The following LRRN2 variants were observed in gnomAD, a reference collection of about 807,000 sequenced individuals.
LRRN2 encodes leucine rich repeat neuronal 2.
A neutral mutation model predicts 35.7 loss-of-function variants in LRRN2; 10 were observed. The observed-to-expected ratio is 0.28, with a 90% CI of 0.17 to 0.47. The LOEUF is 0.47. Ranked by LOEUF, LRRN2 falls within the 20% of genes least tolerant of loss-of-function variation. The pLI, the probability that LRRN2 is intolerant of heterozygous loss-of-function variation, is 0.99. For missense variants in LRRN2, 731 were observed against 940.3 expected (o/e 0.78, Z 2.91); for synonymous variants, 391 against 409.6 (o/e 0.95, Z 0.55).
At chr1:204,636,477 C>T (rs914853576) in intron 1 of LRRN2, among the ~76,000 whole-genome samples, 4 of 152,152 alleles carry the variant, frequency 2.6e-5, no homozygotes, top group African/African-American at 7.2e-5. Flanking sequence ...GGCTCGTGCC[C>T]GTAATCCCAA....
In LRRN2 at chr1:204,618,594, G is replaced by T. The variant is rs1312934925; in HGVS notation, c.1399C>A (p.Pro467Thr). 1.9e-6 allele frequency: 3 copies of T among 1,613,856 alleles called. No individual in the cohort carries two copies. Among genetic ancestry groups the T allele is most frequent in the Non-Finnish European group, 8.5e-7 (1 of 1,180,000 alleles). The change falls in exon 2 of 2, where the codon CCT becomes ACT. Residue 467 changes from proline to threonine, a missense_variant. Physicochemically the swap from Pro to Thr is conservative, Grantham distance 38 (BLOSUM62 -1). Coordinates refer to ENST00000367177, the MANE Select transcript of LRRN2 (RefSeq NM_201630.2). ...WVTPAGLRLT[P>T]AHAGRRYRVY... ...CGGTACCTCCTGCCTGCATGGGCAG[G>T]TGTCAGTCGAAGCCCAGCTGGAGTG... is the stretch of plus-strand genomic sequence containing the variant.
intron 1 of LRRN2, among the ~76,000 whole-genome samples, chr1:204,681,987 T>C (rs1428632414): frequency 1.3e-5 from 2 of 152,216 alleles, no homozygotes; most frequent in Non-Finnish European, 2.9e-5. Context: ...TCCTGCCCCA[T>C]TCAAGCCTCC....
rs557635242 is a variant in LRRN2 at position 204,661,110 on chromosome 1, T to TTC, written c.-227+24208_-227+24209dup. Among the ~76,000 whole-genome samples the TTC allele has an allele frequency of 2.6e-5, 4 of 152,106 alleles. No homozygotes were observed. In the East Asian group the frequency reaches 7.7e-4, roughly 29 times the overall value. On this transcript the variant is annotated intron_variant, in intron 1 of 1. Coordinates refer to ENST00000367177, the MANE Select transcript of LRRN2 (RefSeq NM_201630.2). ...TTGATTGATTGATTGATTAATTTTT[T>TTC]TCTCTCTCTCTATCAGAAGAGGGTA...
At chr1:204,654,759 GC>G (rs1668311211) in intron 1 of LRRN2, among the ~76,000 whole-genome samples, 1 of 152,174 alleles carries the variant, frequency 6.6e-6, no homozygotes, top group African/African-American at 2.4e-5. Context: ...GAACCAGCTT[GC>G]CCCAGTCCAT....
intron 1 of LRRN2, among the ~76,000 whole-genome samples, chr1:204,625,493 G>T (rs1158366561): frequency 6.9e-6 from 1 of 145,902 alleles, no homozygotes; most frequent in African/African-American, 2.4e-5. Flanking sequence ...ATGTACGGGA[G>T]AATACATAAA....
At chr1:204,631,069 C>A (rs1667678960) in intron 1 of LRRN2, among the ~76,000 whole-genome samples, 1 of 150,568 alleles carries the variant, frequency 6.6e-6, no homozygotes, top group East Asian at 2.0e-4. Context: ...TTCCTTGGCC[C>A]ACCCAAGACC....
intron 1 of LRRN2, among the ~76,000 whole-genome samples, chr1:204,652,556 G>A (rs1668259397): frequency 6.6e-6 from 1 of 152,084 alleles, no homozygotes; most frequent in African/African-American, 2.4e-5. Context: ...TTGCAGGGTG[G>A]TGGTTGTAAA....
chr1:204,632,934 C>CAAA (rs755369336), intron 1 of LRRN2, among the ~76,000 whole-genome samples: 1 of 121,824 alleles, frequency 8.2e-6, no homozygotes. Context: ...ACTCTGTCTC[C>CAAA]AAAAAAAAAA....
chr1:204,627,448 C>A (rs1428252207), intron 1 of LRRN2: 1 of 152,228 alleles, frequency 6.6e-6, no homozygotes, highest in East Asian at 1.9e-4. Context: ...CCAGGAAACC[C>A]CCCTTGTTGG....
In LRRN2 at chr1:204,617,661, T is replaced by C. The variant is rs760121824; in HGVS notation, c.*190A>G. ...TGGCAGCAGAGGTGACCCTAGGAGG[T>C]AAGGGCAACTTTTTCGAGGCTGCAG... is the stretch of plus-strand genomic sequence containing the variant. On this transcript the variant is annotated 3_prime_UTR_variant, in exon 2 of 2. Coordinates refer to ENST00000367177, the MANE Select transcript of LRRN2 (RefSeq NM_201630.2). 4.7e-6 allele frequency: 3 copies of C among 643,990 alleles called. No homozygotes were observed. Among genetic ancestry groups the C allele is most frequent in the Non-Finnish European group, 8.1e-6 (3 of 369,058 alleles). 39.9% of individuals were successfully genotyped at this position (643,990 alleles called of 1,614,324 possible).
At chr1:204,680,608 C>T (rs923503368) in intron 1 of LRRN2, among the ~76,000 whole-genome samples, 1 of 152,192 alleles carries the variant, frequency 6.6e-6, no homozygotes, top group African/African-American at 2.4e-5. Flanking sequence ...CGTGCAGGAG[C>T]CCAAGGTCAT....
intron 1 of LRRN2, among the ~76,000 whole-genome samples, chr1:204,654,293 A>C (rs1668297603): frequency 6.6e-6 from 1 of 152,196 alleles, no homozygotes; most frequent in Admixed American, 6.5e-5. Flanking sequence ...CCTTCTGGGT[A>C]CTGAAATGTT....
In LRRN2 at chr1:204,617,365, C is replaced by A. The variant is rs1666410857; in HGVS notation, c.*486G>T. 1 of 155,544 alleles carries A rather than the reference C, an allele frequency of 6.4e-6. No homozygotes were observed. Among genetic ancestry groups the A allele is most frequent in the Non-Finnish European group, 1.4e-5 (1 of 69,994 alleles). 9.6% of individuals were successfully genotyped at this position (155,544 alleles called of 1,614,324 possible). ...ATGAGGCGTTCCTGGGCATCCCTCTCCCAAATGTCCTTCAGATCTGGCTGG... is the reference window on the plus strand; with the variant it reads ...ATGAGGCGTTCCTGGGCATCCCTCTACCAAATGTCCTTCAGATCTGGCTGG... On this transcript the variant is annotated 3_prime_UTR_variant, in exon 2 of 2. Coordinates refer to ENST00000367177, the MANE Select transcript of LRRN2 (RefSeq NM_201630.2).
Position 204,617,928 on chromosome 1 carries a change from G to A in LRRN2, c.2065C>T (p.Pro689Ser), listed in dbSNP as rs1396084720. ...GGCAGCTTCCTCCCTGGATTCCAGG[G>A]CAGGACGAGGGGAGCAGACACAACC... ...VRVVSAPLVL[P>S]WNPGRKLPRS... Residue 689 changes from proline (P) to serine (S), a missense_variant, in exon 2 of 2, where the codon CCC (proline) becomes TCC (serine). Coordinates refer to ENST00000367177, the MANE Select transcript of LRRN2 (RefSeq NM_201630.2). 6.2e-7 allele frequency: 1 copy of A among 1,614,034 alleles called. No individual in the cohort carries two copies. The highest frequency in any genetic ancestry group is 2.2e-5 in the East Asian group (1 of 44,870).
chr1:204,618,842 C>T lies in LRRN2; in HGVS notation c.1151G>A (p.Gly384Asp). The T allele has an allele frequency of 6.2e-7, 1 of 1,614,092 alleles. No individual in the cohort carries two copies. Among genetic ancestry groups the T allele is most frequent in the East Asian group, 2.2e-5 (1 of 44,864 alleles). ...DCVIRWANATGTRVRFIEPQS... is the reference protein window; with the variant it reads ...DCVIRWANATDTRVRFIEPQS... ...CGGCTCGATGAAGCGGACACGGGTGCCCGTGGCATTGGCCCAGCGGATGAC... is the reference window on the plus strand; with the variant it reads ...CGGCTCGATGAAGCGGACACGGGTGTCCGTGGCATTGGCCCAGCGGATGAC... The change falls in exon 2 of 2, where the codon GGC becomes GAC. Residue 384 changes from glycine (G) to aspartate (D), a missense_variant. Coordinates refer to ENST00000367177, the MANE Select transcript of LRRN2 (RefSeq NM_201630.2).
chr1:204,619,887 G>T lies in LRRN2; in HGVS notation c.106C>A (p.Gln36Lys). 1 of 1,613,942 alleles carries T rather than the reference G, an allele frequency of 6.2e-7. No individual in the cohort carries two copies. Among genetic ancestry groups the T allele is most frequent in the Non-Finnish European group, 8.5e-7 (1 of 1,179,970 alleles). Reference sequence around the variant, plus strand: ...CGGGGCGTATACCAGGGCCGGATCTGGCAGGCACACTGAGGGGGGCAGGGA... The same window carrying T: ...CGGGGCGTATACCAGGGCCGGATCTTGCAGGCACACTGAGGGGGGCAGGGA... ...HVPCPPQCACQIRPWYTPRSS... is the reference protein window; with the variant it reads ...HVPCPPQCACKIRPWYTPRSS... The change falls in exon 2 of 2, where the codon CAG becomes AAG. Residue 36 changes from glutamine to lysine, a missense_variant. By Grantham distance (53) the Gln-to-Lys change is moderately conservative (BLOSUM62 1). This residue lies in a region of LRRN2 where 246 missense variants were observed against 289.5 expected (regional missense o/e 0.85). Coordinates refer to ENST00000367177, the MANE Select transcript of LRRN2 (RefSeq NM_201630.2).
rs147864436 is a variant in LRRN2 at position 204,618,220 on chromosome 1, C to T, written c.1773G>A (p.Thr591=). ...SYNITRLLQA[T]EYWACLQVAF... ...CCACTTGCAGGCAGGCCCAGTACTC[C>T]GTGGCCTGAAGGAGGCGGGTAATGT... is the stretch of plus-strand genomic sequence containing the variant. The change falls in exon 2 of 2, where the codon ACG becomes ACA. Residue 591 remains threonine, a synonymous_variant. Transcript: ENST00000367177. 279 of 1,613,964 alleles carry T rather than the reference C, an allele frequency of 1.7e-4. 1 individual carries two copies. The highest frequency in any genetic ancestry group is 4.2e-4 in the South Asian group (38 of 91,042).
rs778785242 is a variant in LRRN2, at chr1:204,619,258, A to G, written c.735T>C (p.Tyr245=). The change falls in exon 2 of 2, where the codon TAT becomes TAC. Residue 245 remains tyrosine (Y), a synonymous_variant. Transcript: ENST00000367177. ...GLQSLESLSF[Y]DNQLARVPRR... ...TGGGCACCCGGGCCAGCTGGTTGTCATAGAAGGAGAGGCTCTCCAGGCTTT... is the reference window on the plus strand; with the variant it reads ...TGGGCACCCGGGCCAGCTGGTTGTCGTAGAAGGAGAGGCTCTCCAGGCTTT... The G allele has an allele frequency of 1.2e-6, 2 of 1,614,008 alleles. No homozygotes were observed. The highest frequency in any genetic ancestry group is 1.7e-5 in the Admixed American group (1 of 60,014).
rs560101762 is a variant in LRRN2, at chr1:204,656,718, G to A, written c.-227+28602C>T. On this transcript the variant is annotated intron_variant, in intron 1 of 1. Coordinates refer to ENST00000367177, the MANE Select transcript of LRRN2 (RefSeq NM_201630.2). ...AGACACAGTTCCATGACCTATTTGC[G>A]TCTAGGGCTGCTGTTGAGAAGTCTG... Among the ~76,000 whole-genome samples the A allele has an allele frequency of 8.5e-5, 13 of 152,136 alleles. 1 individual carries two copies. The highest frequency in any genetic ancestry group is 1.3e-4 in the Non-Finnish European group (9 of 68,038).
Sources: gnomAD v4.1 joint callset for allele counts (sites outside exome capture counted in the v4.1 genomes callset) on GRCh38, gnomAD v4.1.1 for gene constraint, gnomAD v4.1.1 regional missense constraint, MANE v1.5 for transcripts, NCBI Gene and HGNC (gene_info 2026-07-23, HGNC 2026-07-21) for gene names.